CREB3L2: variants seen among roughly 807,000 people sequenced by gnomAD.
The protein encoded by CREB3L2 is cAMP responsive element binding protein 3 like 2.
CREB3L2 carries 23 observed loss-of-function variants against 57.2 expected under a neutral mutation model. The observed-to-expected ratio is 0.40, with a 90% CI of 0.29 to 0.57. The LOEUF is 0.57. CREB3L2 is among the 20% of genes least tolerant of loss of function. The pLI is 0.42. For synonymous variants in CREB3L2, 268 were observed against 265.1 expected (o/e 1.01, Z -0.11); for missense variants, 628 against 634.7 (o/e 0.99, Z 0.11).
At chr7:137,995,127 C>G (rs959218286) in intron 1 of CREB3L2, among the ~76,000 whole-genome samples, 8 of 152,012 alleles carry the variant, frequency 5.3e-5, no homozygotes, top group African/African-American at 1.9e-4. Flanking sequence ...AGAAAAGTTT[C>G]TTCCATTCTA....
chr7:137,974,360 C>T (rs1286540352), intron 1 of CREB3L2, among the ~76,000 whole-genome samples: 3 of 152,092 alleles, frequency 2.0e-5, no homozygotes, highest in Non-Finnish European at 4.4e-5. Flanking sequence ...AGGCTAAGCA[C>T]CAGGCAAAGG....
At chr7:137,923,899 A>T (rs760899928) in intron 2 of CREB3L2, among the ~76,000 whole-genome samples, 12 of 152,164 alleles carry the variant, frequency 7.9e-5, no homozygotes, top group Non-Finnish European at 1.6e-4. Context: ...AAAAAATGTG[A>T]TCCTATGTTT....
intron 1 of CREB3L2, among the ~76,000 whole-genome samples, chr7:137,975,640 C>T (rs1401055850): frequency 6.6e-6 from 1 of 152,132 alleles, no homozygotes; most frequent in Non-Finnish European, 1.5e-5. Flanking sequence ...GCATACTTCT[C>T]CTAGATGCTC....
intron 1 of CREB3L2, among the ~76,000 whole-genome samples, chr7:137,985,180 C>T (rs561082056): frequency 1.9e-4 from 29 of 152,278 alleles, no homozygotes; most frequent in South Asian, 6.2e-4. Context: ...CCCATTCACA[C>T]GCCAGAATCT....
intron 1 of CREB3L2, among the ~76,000 whole-genome samples, chr7:137,968,294 T>G (rs1282402727): frequency 6.6e-6 from 1 of 152,024 alleles, no homozygotes; most frequent in South Asian, 2.1e-4. Flanking sequence ...ATGTGCCATG[T>G]GGGTTTGCTG....
At chr7:137,927,298 G>GGA (rs1800490620) in intron 2 of CREB3L2, among the ~76,000 whole-genome samples, 1 of 129,474 alleles carries the variant, frequency 7.7e-6, no homozygotes, top group African/African-American at 4.0e-5. Context: ...GGAAGGAAGG[G>GGA]TGGGAGGGGA....
At chr7:137,916,281 G>C (rs761454564) in intron 2 of CREB3L2, among the ~76,000 whole-genome samples, 18 of 152,180 alleles carry the variant, frequency 1.2e-4, no homozygotes. Context: ...TCCTGAGAAA[G>C]GCAGGAAGAA....
intron 1 of CREB3L2, among the ~76,000 whole-genome samples, chr7:137,991,305 A>G (rs1036177110): frequency 6.6e-6 from 1 of 151,638 alleles, no homozygotes; most frequent in Non-Finnish European, 1.5e-5. Flanking sequence ...CTGGGACTAC[A>G]GGCACCCACC....
chr7:137,928,425 C>A (rs1364279888), intron 1 of CREB3L2, 59 bp from the exon 2 acceptor site: 2 of 1,328,696 alleles, frequency 1.5e-6, no homozygotes, highest in African/African-American at 2.9e-5. Flanking sequence ...GACAGATACC[C>A]TACGCACATA....
intron 2 of CREB3L2, chr7:137,922,475 C>CACAT (rs1563253504): frequency 7.6e-6 from 1 of 132,134 alleles, no homozygotes; most frequent in African/African-American, 4.5e-5. Flanking sequence ...TATATACACA[C>CACAT]ATATATATAT....
At chr7:137,884,845 A>AC in intron 10 of CREB3L2, 150 bp downstream of exon 10, 3 of 1,090,328 alleles carry the variant, frequency 2.8e-6, no homozygotes, top group Non-Finnish European at 2.8e-6. Flanking sequence ...CCCCAGGGGA[A>AC]CCCCCACTTG....
At chr7:137,976,880 T>C (rs553871652) in intron 1 of CREB3L2, among the ~76,000 whole-genome samples, 7 of 152,354 alleles carry the variant, frequency 4.6e-5, no homozygotes, top group Admixed American at 4.6e-4. Context: ...GGGTGGAGCC[T>C]GTGGAACATC....
At position 137,928,214 on chromosome 7, in the gene CREB3L2, CAGG is replaced by C; in HGVS notation, c.252_254del (p.Leu85del). On this transcript the variant is annotated inframe_deletion, in exon 2 of 12. Transcript: ENST00000330387. ...GCGACTGGGCCCGAGGCTCCTCGCA[CAGG>C]GAGTAGCTGTGCTCAGCCTGGATGA... The C allele has an allele frequency of 6.2e-7, 1 of 1,608,994 alleles. No homozygotes were observed. Among genetic ancestry groups the C allele is most frequent in the Non-Finnish European group, 8.5e-7 (1 of 1,177,478 alleles).
intron 1 of CREB3L2, among the ~76,000 whole-genome samples, chr7:137,949,258 G>A (rs1051966416): frequency 3.9e-5 from 6 of 152,338 alleles, no homozygotes; most frequent in East Asian, 3.9e-4. Flanking sequence ...ATACGGACCC[G>A]TGATGGGCAA....
intron 1 of CREB3L2, among the ~76,000 whole-genome samples, chr7:137,934,448 C>A (rs1800735343): frequency 6.6e-6 from 1 of 152,158 alleles, no homozygotes; most frequent in Non-Finnish European, 1.5e-5. Flanking sequence ...AACATGTCCC[C>A]ATTTACAGAT....
chr7:137,926,587 G>A (rs1029613758), intron 2 of CREB3L2, among the ~76,000 whole-genome samples: 16 of 152,034 alleles, frequency 1.1e-4, no homozygotes, highest in Admixed American at 2.0e-4. Context: ...GGTGGGTAGC[G>A]GGCAAGGGGA....
intron 1 of CREB3L2, among the ~76,000 whole-genome samples, chr7:137,970,747 G>A (rs549875714): frequency 6.6e-6 from 1 of 152,304 alleles, no homozygotes; most frequent in East Asian, 1.9e-4. Context: ...GGCCCAGACA[G>A]AGCACATTCC....
chr7:137,907,043 C>T (rs924038399), intron 5 of CREB3L2, among the ~76,000 whole-genome samples: 1 of 152,136 alleles, frequency 6.6e-6, no homozygotes, highest in Non-Finnish European at 1.5e-5. Context: ...GTTGTGTGAT[C>T]AGGAAACGTT....
intron 8 of CREB3L2, among the ~76,000 whole-genome samples, chr7:137,897,162 A>G (rs144412468): frequency 6.6e-6 from 1 of 152,338 alleles, no homozygotes; most frequent in Non-Finnish European, 1.5e-5. Context: ...GATTGTGATA[A>G]TCATTTCATA....
Sources: gnomAD v4.1 joint callset for allele counts (sites outside exome capture counted in the v4.1 genomes callset) on GRCh38, gnomAD v4.1.1 for gene constraint, MANE v1.5 for transcripts, NCBI Gene and HGNC (gene_info 2026-07-23, HGNC 2026-07-21) for gene names.